The following SNX27 variants were observed in gnomAD, a reference collection of about 807,000 sequenced individuals.
SNX27 encodes sorting nexin-27.
A neutral mutation model predicts 71.6 loss-of-function variants in SNX27; 22 were observed. The observed-to-expected ratio is 0.31, with a 90% CI of 0.22 to 0.44. The LOEUF is 0.44. SNX27 is among the 20% of genes least tolerant of loss of function. SNX27 has a pLI of 1.00. For missense variants in SNX27, 531 were observed against 698.6 expected, an observed-to-expected ratio of 0.76 and a Z score of 2.70; for synonymous variants, 269 against 277.2, an observed-to-expected ratio of 0.97 and a Z score of 0.29.
At position 151,616,700 on chromosome 1, in the gene SNX27, C is replaced by T. The variant is rs962585553; in HGVS notation, c.311+4188C>T. Among the ~76,000 whole-genome samples, 9 of 151,528 alleles carry T rather than the reference C, an allele frequency of 5.9e-5. 1 individual carries two copies. The highest frequency in any genetic ancestry group is 3.9e-4 in the Admixed American group (6 of 15,240). ...TCAATTGCAACTGAATTCTATTTGA[C>T]TGATATTTTCTAGGTAGATTTTGGT... On this transcript the variant is annotated intron_variant, in intron 1 of 11. Coordinates refer to ENST00000458013, the MANE Select transcript of SNX27 (RefSeq NM_001330723.2).
intron 1 of SNX27, among the ~76,000 whole-genome samples, chr1:151,631,583 C>G (rs976676699): frequency 6.6e-6 from 1 of 152,150 alleles, no homozygotes; most frequent in African/African-American, 2.4e-5. Context: ...GTTTGATGTA[C>G]TTCAGTGTCT....
At position 151,695,803 on chromosome 1, in the gene SNX27, G is replaced by A. The variant is rs556945667; in HGVS notation, c.*1386G>A. 1 of 152,310 alleles carries A rather than the reference G, an allele frequency of 6.6e-6. No individual in the cohort carries two copies. Among genetic ancestry groups the A allele is most frequent in the Non-Finnish European group, 1.5e-5 (1 of 68,066 alleles). 9.4% of individuals were successfully genotyped at this position (152,310 alleles called of 1,614,324 possible). ...TAGGCACACAGGTTGGACTTACATAGAGGAAAGAAAGCAAGAAATGCCCTA... is the reference window on the plus strand; with the variant it reads ...TAGGCACACAGGTTGGACTTACATAAAGGAAAGAAAGCAAGAAATGCCCTA... On this transcript the variant is annotated 3_prime_UTR_variant, in exon 12 of 12. Coordinates refer to ENST00000458013, the MANE Select transcript of SNX27 (RefSeq NM_001330723.2).
intron 7 of SNX27, among the ~76,000 whole-genome samples, chr1:151,674,360 C>G (rs1459792076): frequency 6.6e-6 from 1 of 152,150 alleles, no homozygotes; most frequent in African/African-American, 2.4e-5. Flanking sequence ...TACCCCCACA[C>G]TTTTTAACTT....
intron 6 of SNX27, 32 bp from the exon 7 acceptor site, chr1:151,668,440 C>T: frequency 3.1e-6 from 5 of 1,592,990 alleles, no homozygotes; most frequent in Non-Finnish European, 4.3e-6. Context: ...TATCTTTTCA[C>T]TCCAGCTTTC....
intron 1 of SNX27, among the ~76,000 whole-genome samples, chr1:151,615,443 T>G (rs1667384254): frequency 6.6e-6 from 1 of 152,170 alleles, no homozygotes; most frequent in Non-Finnish European, 1.5e-5. Flanking sequence ...CAAATAGATG[T>G]GGTTCTTGAG....
intron 7 of SNX27, among the ~76,000 whole-genome samples, chr1:151,674,606 C>T (rs1670589356): frequency 6.6e-6 from 1 of 151,490 alleles, no homozygotes; most frequent in South Asian, 2.1e-4. Context: ...CGTGCCTAGC[C>T]AAATCACTAG....
chr1:151,660,651 C>G, intron 3 of SNX27, 147 bp from the exon 4 acceptor site: 1 of 619,958 alleles, frequency 1.6e-6, no homozygotes, highest in Non-Finnish European at 2.9e-6. Flanking sequence ...ATCTTATATA[C>G]CAGACATGGT....
chr1:151,640,494 C>A (rs980065111), intron 2 of SNX27, among the ~76,000 whole-genome samples: 3 of 152,132 alleles, frequency 2.0e-5, no homozygotes, highest in Non-Finnish European at 4.4e-5. Context: ...TCTGCCTCAG[C>A]CTCCCAAGTA....
intron 2 of SNX27, among the ~76,000 whole-genome samples, chr1:151,652,134 G>T (rs1669424474): frequency 6.7e-6 from 1 of 149,472 alleles, no homozygotes; most frequent in Non-Finnish European, 1.5e-5. Flanking sequence ...GAGCCGAGAT[G>T]GCAGCAGTAC....
At chr1:151,683,581 T>C in intron 8 of SNX27, 136 bp downstream of exon 8, 1 of 582,646 alleles carries the variant, frequency 1.7e-6, no homozygotes, top group Non-Finnish European at 3.0e-6. Flanking sequence ...AATAGGGACC[T>C]TGATGCAAAG....
intron 5 of SNX27, among the ~76,000 whole-genome samples, chr1:151,663,729 T>C (rs1670064482): frequency 6.6e-6 from 1 of 152,210 alleles, no homozygotes; most frequent in South Asian, 2.1e-4. Context: ...ATATTGCTTC[T>C]CAACAACAAG....
In SNX27 at chr1:151,612,356, G is replaced by A; in HGVS notation, c.155G>A (p.Gly52Asp). 1 of 1,549,504 alleles carries A rather than the reference G, an allele frequency of 6.5e-7. No homozygotes were observed. The highest frequency in any genetic ancestry group is 2.0e-5 in the Admixed American group (1 of 50,198). The stretch of plus-strand genomic sequence containing the variant: ...GTGCGCATCGTCAAGTCCGAGTCCG[G>A]CTACGGCTTCAACGTGCGGGGCCAA... ...RVVRIVKSES[G>D]YGFNVRGQVS... The change falls in exon 1 of 12, where the codon GGC becomes GAC. Residue 52 changes from glycine (G) to aspartate (D), a missense_variant. Physicochemically the swap from Gly to Asp is moderately conservative, Grantham distance 94. Coordinates refer to ENST00000458013, the MANE Select transcript of SNX27 (RefSeq NM_001330723.2). The surrounding 1 kb of genome is among the most constrained non-coding windows in gnomAD (Gnocchi z 5.2).
At chr1:151,647,315 A>G (rs1669093495) in intron 2 of SNX27, among the ~76,000 whole-genome samples, 1 of 151,584 alleles carries the variant, frequency 6.6e-6, no homozygotes, top group African/African-American at 2.4e-5. Flanking sequence ...ATACTTGGCT[A>G]ATTTTTGTAT....
intron 2 of SNX27, among the ~76,000 whole-genome samples, chr1:151,640,332 A>G (rs1668666544): frequency 6.6e-6 from 1 of 152,180 alleles, no homozygotes; most frequent in African/African-American, 2.4e-5. Flanking sequence ...TGGAAACCTG[A>G]GAAAAGGAAT....
At chr1:151,687,262 G>A (rs1571873308) in intron 8 of SNX27, among the ~76,000 whole-genome samples, 1 of 152,076 alleles carries the variant, frequency 6.6e-6, no homozygotes, top group African/African-American at 2.4e-5. Context: ...TACATAATTT[G>A]TATTGATTTC....
At chr1:151,632,457 T>G (rs915695067) in intron 1 of SNX27, among the ~76,000 whole-genome samples, 3 of 152,102 alleles carry the variant, frequency 2.0e-5, no homozygotes, top group African/African-American at 7.2e-5. Flanking sequence ...CACCTGGACA[T>G]GTTGCTGAGG....
At chr1:151,625,634 A>C (rs1667891739) in intron 1 of SNX27, among the ~76,000 whole-genome samples, 1 of 152,000 alleles carries the variant, frequency 6.6e-6, no homozygotes, top group Non-Finnish European at 1.5e-5. Flanking sequence ...TCATGAGTTC[A>C]AGACCAGCTG....
At chr1:151,672,376 A>G (rs1054007268) in intron 7 of SNX27, among the ~76,000 whole-genome samples, 1 of 152,048 alleles carries the variant, frequency 6.6e-6, no homozygotes, top group Non-Finnish European at 1.5e-5. Flanking sequence ...TTTTAAATGT[A>G]TTGTTGAATT....
At chr1:151,640,195 T>G (rs887472495) in intron 2 of SNX27, among the ~76,000 whole-genome samples, 1 of 152,140 alleles carries the variant, frequency 6.6e-6, no homozygotes, top group Non-Finnish European at 1.5e-5. Context: ...ACACACAGAA[T>G]TTAGAGTTTT....
Sources: gnomAD v4.1 joint callset for allele counts (sites outside exome capture counted in the v4.1 genomes callset) on GRCh38, gnomAD v4.1.1 for gene constraint, Gnocchi (gnomAD v3.1) non-coding constraint, MANE v1.5 for transcripts, NCBI Gene and HGNC (gene_info 2026-07-23, HGNC 2026-07-21) for gene names.